Variants in FSTL5 observed in about 807,000 individuals in gnomAD.
FSTL5 encodes follistatin like 5.
A neutral mutation model predicts 89.1 loss-of-function variants in FSTL5; 62 were observed. The ratio of observed to expected loss-of-function variants is 0.70; its 90% CI spans 0.57 to 0.86. The LOEUF is 0.86. FSTL5 is among the 40% of genes least tolerant of loss of function. The pLI, the probability that FSTL5 is intolerant of heterozygous loss-of-function variation, is 0.00. For synonymous variants in FSTL5, 383 were observed against 346.2 expected, an observed-to-expected ratio of 1.11 and a Z score of -1.18; for missense variants, 1,057 against 1,001.6, an observed-to-expected ratio of 1.06 and a Z score of -0.75.
intron 2 of FSTL5, among the ~76,000 whole-genome samples, chr4:162,042,305 T>C (rs923900931): frequency 3.9e-5 from 6 of 152,140 alleles, no homozygotes; most frequent in Admixed American, 3.3e-4. Context: ...TGTTTGCTTG[T>C]TTTCACCAAG....
chr4:162,087,211 A>C (rs2111347719), intron 2 of FSTL5, among the ~76,000 whole-genome samples: 1 of 152,214 alleles, frequency 6.6e-6, no homozygotes, highest in African/African-American at 2.4e-5. Context: ...GAAAAAAAGT[A>C]ATTCAAATTC....
chr4:161,679,713 C>A (rs1737451595), intron 6 of FSTL5, among the ~76,000 whole-genome samples: 1 of 151,742 alleles, frequency 6.6e-6, no homozygotes, highest in African/African-American at 2.4e-5. Flanking sequence ...ATAAACATCT[C>A]ATTGAGAAAT....
intron 6 of FSTL5, chr4:161,664,889 G>GA: frequency 5.2e-6 from 1 of 190,998 alleles, no homozygotes; most frequent in Non-Finnish European, 1.0e-5. Context: ...CAGCGCAAGA[G>GA]AAAATGAGGA....
intron 3 of FSTL5, among the ~76,000 whole-genome samples, chr4:162,020,569 G>A (rs571594939): frequency 1.3e-5 from 2 of 152,036 alleles, no homozygotes; most frequent in African/African-American, 4.8e-5. Context: ...AATTAGAGAA[G>A]AGAAAATGGA....
intron 5 of FSTL5, among the ~76,000 whole-genome samples, chr4:161,769,515 T>C (rs1385692632): frequency 6.6e-6 from 1 of 152,002 alleles, no homozygotes. Flanking sequence ...ATCCCAGTGA[T>C]GCAAAAATGG....
At chr4:161,400,614 G>T (rs1731151872) in intron 15 of FSTL5, among the ~76,000 whole-genome samples, 1 of 152,008 alleles carries the variant, frequency 6.6e-6, no homozygotes, top group Admixed American at 6.6e-5. Flanking sequence ...AATCAATGAG[G>T]TAATGATAGA....
chr4:161,573,791 A>T (rs1435282500), intron 8 of FSTL5, among the ~76,000 whole-genome samples: 1 of 151,642 alleles, frequency 6.6e-6, no homozygotes, highest in Non-Finnish European at 1.5e-5. Context: ...CATAGAAAAG[A>T]AGAAAAGAAA....
At chr4:161,761,841 T>C (rs1191105013) in intron 5 of FSTL5, among the ~76,000 whole-genome samples, 2 of 152,220 alleles carry the variant, frequency 1.3e-5, no homozygotes, top group African/African-American at 4.8e-5. Context: ...TTCATTTTCT[T>C]ATTCTAAATA....
intron 3 of FSTL5, among the ~76,000 whole-genome samples, chr4:161,972,093 G>A (rs1159778539): frequency 6.6e-6 from 1 of 151,982 alleles, no homozygotes; most frequent in East Asian, 1.9e-4. Flanking sequence ...AAACTGTGAT[G>A]TGCTTCTTTT....
At chr4:161,695,728 T>A (rs1327292960) in intron 6 of FSTL5, among the ~76,000 whole-genome samples, 1 of 152,142 alleles carries the variant, frequency 6.6e-6, no homozygotes, top group Non-Finnish European at 1.5e-5. Flanking sequence ...ATGTTGAGCA[T>A]TTTTTCATAT....
chr4:161,512,445 G>A (rs1178449517), intron 10 of FSTL5, among the ~76,000 whole-genome samples: 3 of 152,080 alleles, frequency 2.0e-5, no homozygotes, highest in African/African-American at 4.8e-5. Context: ...TAATGTGAAT[G>A]CATTTGTTGG....
intron 4 of FSTL5, among the ~76,000 whole-genome samples, chr4:161,784,241 T>C (rs1186302519): frequency 6.6e-6 from 1 of 152,112 alleles, no homozygotes; most frequent in African/African-American, 2.4e-5. Context: ...TTGCCAATTA[T>C]GTCTTATATA....
intron 2 of FSTL5, among the ~76,000 whole-genome samples, chr4:162,095,568 A>G (rs1579023206): frequency 6.6e-6 from 1 of 152,034 alleles, no homozygotes; most frequent in South Asian, 2.1e-4. Context: ...AATCTTGAGG[A>G]ACGGTTTTTC....
intron 15 of FSTL5, among the ~76,000 whole-genome samples, chr4:161,424,551 C>G (rs1732107420): frequency 6.7e-6 from 1 of 150,168 alleles, no homozygotes; most frequent in Admixed American, 6.6e-5. Flanking sequence ...AAATGGTTTT[C>G]TTTTGTAATA....
At chr4:161,619,213 G>C (rs370186854) in intron 7 of FSTL5, among the ~76,000 whole-genome samples, 26 of 152,056 alleles carry the variant, frequency 1.7e-4, no homozygotes, top group African/African-American at 6.3e-4. Flanking sequence ...AGACTTAAAC[G>C]TTAGACCTAA....
chr4:161,689,260 A>G (rs1560791278), intron 6 of FSTL5, among the ~76,000 whole-genome samples: 2 of 152,028 alleles, frequency 1.3e-5, no homozygotes, highest in Non-Finnish European at 2.9e-5. Context: ...AAGAGAAAGC[A>G]TTTTTTTCTT....
intron 2 of FSTL5, among the ~76,000 whole-genome samples, chr4:162,090,640 G>A (rs944831757): frequency 3.3e-5 from 5 of 151,960 alleles, no homozygotes; most frequent in African/African-American, 1.2e-4. Flanking sequence ...GGCCAACAGC[G>A]TGAAATCCCA....
chr4:162,114,402 C>T (rs1731555482), intron 1 of FSTL5, among the ~76,000 whole-genome samples: 2 of 152,068 alleles, frequency 1.3e-5, no homozygotes, highest in African/African-American at 4.8e-5. Flanking sequence ...AAAACAACTT[C>T]CTTCCACCCT....
chr4:161,557,010 T>C (rs1324792952), intron 8 of FSTL5, among the ~76,000 whole-genome samples: 1 of 151,338 alleles, frequency 6.6e-6, no homozygotes, highest in Non-Finnish European at 1.5e-5. Context: ...ATGGGAATTG[T>C]AAATGAACTC....
Sources: gnomAD v4.1 joint callset for allele counts (sites outside exome capture counted in the v4.1 genomes callset) on GRCh38, gnomAD v4.1.1 for gene constraint, MANE v1.5 for transcripts, NCBI Gene and HGNC (gene_info 2026-07-23, HGNC 2026-07-21) for gene names.